IL13RA1: variants seen among roughly 807,000 people sequenced by gnomAD.
The protein encoded by IL13RA1 is interleukin-13 receptor subunit alpha-1.
A neutral mutation model predicts 33.8 loss-of-function variants in IL13RA1; 14 were observed. That is an observed-to-expected ratio of 0.41 (90% CI 0.27 to 0.65). The LOEUF (loss-of-function observed/expected upper bound fraction) is 0.65, where lower values mean the gene tolerates loss of function less well. Ranked by LOEUF, IL13RA1 falls within the 30% of genes least tolerant of loss-of-function variation. The pLI is 0.28. For synonymous variants in IL13RA1, 116 were observed against 115.7 expected, an observed-to-expected ratio of 1.00 and a Z score of -0.02; for missense variants, 313 against 327.0, an observed-to-expected ratio of 0.96 and a Z score of 0.33.
rs1037465424 is a variant in IL13RA1, at chrX:118,793,879, G to A, written c.*2025G>A. On this transcript the variant is annotated 3_prime_UTR_variant, in exon 11 of 11. Transcript: ENST00000371666. ...AGATGTAAAGTTATTCTTGAAGTCA[G>A]ATTGAGGCTGGGAGACAGCCGTAGT... 6.3e-5 allele frequency: 7 copies of A among 111,985 alleles called. No homozygotes were observed. The highest frequency in any genetic ancestry group is 1.9e-4 in the African/African-American group (6 of 30,806). The allele number at this position is 111,985 out of a possible 1,213,427, so 9.2% of individuals were successfully genotyped here.
At chrX:118,757,918 T>C (rs895536131) in intron 4 of IL13RA1, 137 bp from the exon 5 acceptor site, 1 of 375,878 alleles carries the variant, frequency 2.7e-6, no homozygotes. Context: ...TTCCAACTCC[T>C]GACCTCAAGT....
At chrX:118,741,649 C>T (rs757442488) in intron 2 of IL13RA1, among the ~76,000 whole-genome samples, 15 of 111,536 alleles carry the variant, frequency 1.3e-4, no homozygotes, top group African/African-American at 2.6e-4. Flanking sequence ...GTAATGCCCG[C>T]GGAAAAAGGA....
chrX:118,738,915 G>A (rs1198013983), intron 1 of IL13RA1, among the ~76,000 whole-genome samples: 1 of 106,956 alleles, frequency 9.3e-6, no homozygotes, highest in Non-Finnish European at 1.9e-5. Context: ...AGCCTCCTGA[G>A]TTTCTGGTAT....
At chrX:118,781,490 C>A (rs915459523) in intron 10 of IL13RA1, among the ~76,000 whole-genome samples, 1 of 110,998 alleles carries the variant, frequency 9.0e-6, no homozygotes, top group African/African-American at 3.3e-5. Context: ...GTAGCTGGGA[C>A]TACAGATGGT....
At chrX:118,781,612 A>C (rs2017844471) in intron 10 of IL13RA1, among the ~76,000 whole-genome samples, 1 of 112,837 alleles carries the variant, frequency 8.9e-6, no homozygotes, top group Non-Finnish European at 1.9e-5. Flanking sequence ...TTGGCCTCCC[A>C]AAGTGCTGGG....
rs370164026 is a variant in IL13RA1, at chrX:118,756,173, A to G, written c.489-1882A>G. 4.5e-5 allele frequency among the ~76,000 whole-genome samples: 5 copies of G among 111,173 alleles called. No homozygotes were observed. The East Asian group carries it at 8.5e-4, about 19-fold the overall frequency. ...CAGAGGATTCTGAGGTAACAGGTTAAGGATTTGGGACTCTTTACTCTTAGT... is the reference window on the plus strand; with the variant it reads ...CAGAGGATTCTGAGGTAACAGGTTAGGGATTTGGGACTCTTTACTCTTAGT... On this transcript the variant is annotated intron_variant, in intron 4 of 10. Coordinates refer to ENST00000371666, the MANE Select transcript of IL13RA1 (RefSeq NM_001560.3).
At chrX:118,766,704 C>A (rs756602628) in intron 7 of IL13RA1, 127 bp downstream of exon 7, 2 of 594,972 alleles carry the variant, frequency 3.4e-6, no homozygotes, top group African/African-American at 2.3e-5. Flanking sequence ...ACAATTTTTT[C>A]GAAAAGTCAA....
chrX:118,791,452 A>G lies in IL13RA1; in HGVS notation c.1192-310A>G, dbSNP rs146368694. Among the ~76,000 whole-genome samples the G allele has an allele frequency of 2.3e-3, 260 of 111,338 alleles. 1 individual carries two copies. The highest frequency in any genetic ancestry group is 8.0e-3 in the African/African-American group (247 of 30,707). ...AGTAAGAACGGCATGACATCCTTTT[A>G]TTCTTCTTAATAGATTTTATTTCCA... On this transcript the variant is annotated intron_variant, in intron 10 of 10. Transcript: ENST00000371666.
chrX:118,770,686 G>A (rs747800093), intron 8 of IL13RA1: 100 of 381,288 alleles, frequency 2.6e-4, no homozygotes, highest in African/African-American at 1.4e-3. Flanking sequence ...TGCATTTGGC[G>A]GCCACAGGCT....
At chrX:118,772,184 G>A (rs939485841) in intron 8 of IL13RA1, among the ~76,000 whole-genome samples, 1 of 112,515 alleles carries the variant, frequency 8.9e-6, no homozygotes, top group East Asian at 2.8e-4. Context: ...TAGCTGGAAG[G>A]GATCTTTGAG....
chrX:118,760,366 T>G, intron 5 of IL13RA1, among the ~76,000 whole-genome samples: 1 of 112,217 alleles, frequency 8.9e-6, no homozygotes, highest in East Asian at 2.8e-4. Context: ...GCAGTGTGTG[T>G]CAGAGACTAA....
At chrX:118,775,369 C>G (rs2017770700) in intron 9 of IL13RA1, among the ~76,000 whole-genome samples, 1 of 111,222 alleles carries the variant, frequency 9.0e-6, no homozygotes, top group African/African-American at 3.3e-5. Context: ...AGATTTTATT[C>G]TAAGCATGAT....
At chrX:118,796,553 T>A (rs1348339509), downstream of IL13RA1, among the ~76,000 whole-genome samples, 1 of 112,546 alleles carries the variant, frequency 8.9e-6, no homozygotes, top group African/African-American at 3.2e-5. Context: ...TTTTGTTTTT[T>A]TGAGACGGGA....
chrX:118,795,227 A>AAAAAT (rs200347606), downstream of IL13RA1, among the ~76,000 whole-genome samples: 2 of 95,004 alleles, frequency 2.1e-5, no homozygotes, highest in Admixed American at 1.2e-4. Flanking sequence ...AAAAAAAAAA[A>AAAAAT]AAAGAAAAAG....
intron 7 of IL13RA1, 49 bp downstream of exon 7, chrX:118,766,626 G>T: frequency 2.8e-6 from 2 of 713,962 alleles, no homozygotes; most frequent in Non-Finnish European, 4.5e-6. Flanking sequence ...AGAGCAGTTG[G>T]GGGTGGAGCA....
chrX:118,776,987 A>G (rs1424675991), intron 10 of IL13RA1, among the ~76,000 whole-genome samples: 1 of 25,653 alleles, frequency 3.9e-5, no homozygotes, highest in African/African-American at 1.7e-4. Flanking sequence ...ATGTGTGTAT[A>G]TGTGTGTGTG....
chrX:118,737,405 A>G (rs977875813), intron 1 of IL13RA1, among the ~76,000 whole-genome samples: 1 of 112,660 alleles, frequency 8.9e-6, no homozygotes, highest in African/African-American at 3.2e-5. Context: ...TGTTACATCA[A>G]ACAGACTCTG....
rs961588128 is a variant in IL13RA1 at position 118,793,074 on chromosome X, C to G, written c.*1220C>G. 9.0e-6 allele frequency: 1 copy of G among 111,079 alleles called. No individual in the cohort carries two copies. The highest frequency in any genetic ancestry group is 9.6e-5 in the Admixed American group (1 of 10,402). 9.2% of individuals were successfully genotyped at this position (111,079 alleles called of 1,213,427 possible). A position where few individuals can be genotyped will look rare whatever the true frequency, so the allele number is the denominator to read the frequency against. ...TTCAGACCTTTTAACTCCTCAATTC[C>G]AACACTGATTTCCCCTTTTGCATTC... On this transcript the variant is annotated 3_prime_UTR_variant, in exon 11 of 11. Transcript: ENST00000371666.
chrX:118,754,725 C>T (rs1039975166), intron 4 of IL13RA1, among the ~76,000 whole-genome samples: 5 of 110,017 alleles, frequency 4.5e-5, no homozygotes, highest in African/African-American at 9.9e-5. Context: ...GGCCTCTTCC[C>T]GTCTCACAGA....
Sources: gnomAD v4.1 joint callset for allele counts (sites outside exome capture counted in the v4.1 genomes callset) on GRCh38, gnomAD v4.1.1 for gene constraint, MANE v1.5 for transcripts, NCBI Gene and HGNC (gene_info 2026-07-23, HGNC 2026-07-21) for gene names.